SPTBN5: variants seen among roughly 807,000 people sequenced by gnomAD.
The protein encoded by SPTBN5 is spectrin beta, non-erythrocytic 5, also known as spectrin beta chain, non-erythrocytic 5.
A neutral mutation model predicts 477.6 loss-of-function variants in SPTBN5; 513 were observed. The ratio of observed to expected loss-of-function variants is 1.07; its 90% CI spans 1.00 to 1.16. The LOEUF is 1.16. Among genes scored for constraint, SPTBN5 ranks in the 50% most tolerant of loss-of-function variants. The probability of loss-of-function intolerance (pLI) is 0.00; values close to 1 mark genes in which losing one functional copy is unlikely to be tolerated. For missense variants in SPTBN5, 5,062 were observed against 4,731.8 expected (o/e 1.07, Z -2.05); for synonymous variants, 2,169 against 2,011.7 (o/e 1.08, Z -2.09).
intron 3 of SPTBN5, among the ~76,000 whole-genome samples, chr15:41,891,717 T>C (rs865779453): frequency 6.6e-6 from 1 of 152,184 alleles, no homozygotes; most frequent in Non-Finnish European, 1.5e-5. Flanking sequence ...CTTTGCTTAG[T>C]GGAGCCCAGC....
intron 27 of SPTBN5, 21 bp downstream of exon 27, chr15:41,872,281 G>C: frequency 1.9e-6 from 3 of 1,605,114 alleles, no homozygotes; most frequent in Non-Finnish European, 2.6e-6. Flanking sequence ...CCACTGATGA[G>C]AGGGGTTATG....
intron 2 of SPTBN5, 81 bp downstream of exon 2, chr15:41,893,201 C>T: frequency 6.3e-7 from 1 of 1,595,344 alleles, no homozygotes; most frequent in East Asian, 2.2e-5. Context: ...CAGATGACCC[C>T]ACAGCTCACC....
In SPTBN5 at chr15:41,869,848, C is replaced by T. The variant is rs199589032; in HGVS notation, c.5846G>A (p.Arg1949His). 330 of 1,557,300 alleles carry T rather than the reference C, an allele frequency of 2.1e-4. 4 individuals are homozygous for T. In the South Asian group the frequency reaches 2.7e-3, roughly 13 times the overall value. ...LERARLLARFRTAVRDYASWA... is the reference protein window; with the variant it reads ...LERARLLARFHTAVRDYASWA... ...AAGGGCAGGAGCCCTCACCGCCGTG[C>T]GGAAGCGGGCCAGGAGGCGTGCCCG... Residue 1949 changes from arginine (R) to histidine (H), a missense_variant, in exon 32 of 68, where the codon CGC becomes CAC. Coordinates refer to ENST00000320955, the MANE Select transcript of SPTBN5 (RefSeq NM_016642.4).
chr15:41,849,566 C>T (rs2065679823), intron 67 of SPTBN5, among the ~76,000 whole-genome samples: 1 of 152,172 alleles, frequency 6.6e-6, no homozygotes, highest in African/African-American at 2.4e-5. Flanking sequence ...GCTGCTCCTC[C>T]CACAAGCAGC....
At chr15:41,860,787 C>A (rs370101387) in intron 46 of SPTBN5, 29 bp from the exon 47 acceptor site, 28 of 1,478,446 alleles carry the variant, frequency 1.9e-5, no homozygotes, top group Non-Finnish European at 2.4e-5. Context: ...CCAATACTGT[C>A]CATGAGCCTC....
In SPTBN5 at chr15:41,857,418, G is replaced by T. The variant is rs773367566; in HGVS notation, c.8441C>A (p.Thr2814Asn). The stretch of plus-strand genomic sequence containing the variant: ...CACCCCAGGCAGGGCCTGGCCCACA[G>T]TGGGGGCTCTCAGCTCAACCTCGAT... The part of the protein sequence containing the change: ...EPIEVELRAP[T>N]VGQALPGVGE... The change falls in exon 51 of 68, where the codon ACT becomes AAT. Residue 2814 changes from threonine to asparagine, a missense_variant. Coordinates refer to ENST00000320955, the MANE Select transcript of SPTBN5 (RefSeq NM_016642.4). The T allele has an allele frequency of 6.2e-7, 1 of 1,601,112 alleles. No individual in the cohort carries two copies. Among genetic ancestry groups the T allele is most frequent in the African/African-American group, 1.3e-5 (1 of 74,760 alleles).
In SPTBN5 at chr15:41,852,292, G is replaced by C. The variant is rs1181382587; in HGVS notation, c.10474C>G (p.Pro3492Ala). ...TEMEQELLLQ[P>A]QELKPGRAGS... is the part of the protein sequence containing the mutation. ...GCTCTCCCGGGCTTCAGCTCCTGTG[G>C]CTGCAGCAGGAGCTCCTGTTCCATC... Residue 3492 changes from proline to alanine, a missense_variant, in exon 62 of 68, where the codon CCA becomes GCA. Pro to Ala is a conservative substitution (Grantham distance 27). Transcript: ENST00000320955. 1.3e-6 allele frequency: 2 copies of C among 1,596,186 alleles called. No homozygotes were observed. The highest frequency in any genetic ancestry group is 3.5e-5 in the Admixed American group (2 of 57,320).
rs142974035 is a variant in SPTBN5 at position 41,868,741 on chromosome 15, A to G, written c.5854-140T>C. 8.2e-4 allele frequency: 596 copies of G among 728,232 alleles called. 4 individuals carry two copies. In the African/African-American group the frequency reaches 9.5e-3, roughly 12 times the overall value. The allele number at this position is 728,232 out of a possible 1,614,324, so 45.1% of individuals were successfully genotyped here. On this transcript the variant is annotated intron_variant, in intron 32 of 67. Transcript: ENST00000320955. ...TGGGTCAGGGCCTCGGGTGAGGCAC[A>G]TGTGGCCCTTTGTCACTTGGTTTCT...
Position 41,893,481 on chromosome 15 carries a change from TG to T in SPTBN5, c.16del (p.His6ThrfsTer192). The T allele has an allele frequency of 6.3e-7, 1 of 1,589,640 alleles. No homozygotes were observed. Among genetic ancestry groups the T allele is most frequent in the South Asian group, 1.1e-5 (1 of 89,246 alleles). ...AGCCCCGAGGAGCTCCCGGGGACTG[TG>T]GGGCTGACCAGCCATCAGCCCTGCA... MAGQP[H>X]SPRELLGAAG... On this transcript the variant is annotated frameshift_variant, in exon 2 of 68. Coordinates refer to ENST00000320955, the MANE Select transcript of SPTBN5 (RefSeq NM_016642.4). LOFTEE classifies it high-confidence loss of function.
In SPTBN5 at chr15:41,851,371, TGTG is replaced by T; in HGVS notation, c.10657-5_10657-3del. 6.4e-7 allele frequency: 1 copy of T among 1,550,488 alleles called. No individual in the cohort carries two copies. Among genetic ancestry groups the T allele is most frequent in the Non-Finnish European group, 8.7e-7 (1 of 1,146,748 alleles). On this transcript the variant is annotated splice_polypyrimidine_tract_variant and splice_region_variant and intron_variant, in intron 63 of 67. Coordinates refer to ENST00000320955, the MANE Select transcript of SPTBN5 (RefSeq NM_016642.4). Reference sequence around the variant, plus strand: ...GCTGTCCCAGGAGCTCGAGCTAGGCTGTGGAGAGGAGGCGGGAAGGTCGCATGA... The same window carrying T: ...GCTGTCCCAGGAGCTCGAGCTAGGCTGAGAGGAGGCGGGAAGGTCGCATGA...
At chr15:41,887,189 C>T in intron 6 of SPTBN5, 24 bp downstream of exon 6, 1 of 1,547,168 alleles carries the variant, frequency 6.5e-7, no homozygotes, top group Non-Finnish European at 8.7e-7. Context: ...CCCTTGCTCA[C>T]CCCACCCCTC....
intron 24 of SPTBN5, 45 bp from the exon 25 acceptor site, chr15:41,874,090 C>T (rs777927071): frequency 1.2e-5 from 18 of 1,546,596 alleles, no homozygotes; most frequent in East Asian, 4.8e-5. Context: ...AACCCAGGGG[C>T]GTCCGGAGCA....
At chr15:41,867,981 GA>G in intron 34 of SPTBN5, 87 bp downstream of exon 34, 1 of 1,453,940 alleles carries the variant, frequency 6.9e-7, no homozygotes, top group East Asian at 2.4e-5. Context: ...AAAAGCCAGA[GA>G]GGCAGGAGGA....
intron 32 of SPTBN5, among the ~76,000 whole-genome samples, chr15:41,869,035 C>T (rs2066439267): frequency 1.3e-5 from 2 of 152,228 alleles, no homozygotes; most frequent in Non-Finnish European, 2.9e-5. Context: ...CACTGCTCTC[C>T]TTGTTCTCTG....
chr15:41,868,370 T>G (rs753255813), intron 33 of SPTBN5, 28 bp downstream of exon 33: 1 of 1,589,460 alleles, frequency 6.3e-7, no homozygotes, highest in South Asian at 1.1e-5. Flanking sequence ...AGCTAGGGTA[T>G]GTGGGGGCAC....
At position 41,876,623 on chromosome 15, in the gene SPTBN5, G is replaced by C. The variant is rs2066739016; in HGVS notation, c.3876C>G (p.Ile1292Met). 7.6e-7 allele frequency: 1 copy of C among 1,323,884 alleles called. No homozygotes were observed. Among genetic ancestry groups the C allele is most frequent in the Non-Finnish European group, 1.0e-6 (1 of 960,566 alleles). The allele number at this position is 1,323,884 out of a possible 1,614,324, so 82.0% of individuals were successfully genotyped here. A position where few individuals can be genotyped will look rare whatever the true frequency, so the allele number is the denominator to read the frequency against. Residue 1292 changes from isoleucine to methionine, a missense_variant, in exon 20 of 68, where the codon ATC becomes ATG. Coordinates refer to ENST00000320955, the MANE Select transcript of SPTBN5 (RefSeq NM_016642.4). Reference protein sequence around the residue: ...AHTVREQLQSIQAQWTRLQGR... With the variant: ...AHTVREQLQSMQAQWTRLQGR... Reference sequence around the variant, plus strand: ...CCTGGAGCCTGGTCCACTGTGCCTGGATACTCTGCAGCTGCTCTCTGACCC... The same window carrying C: ...CCTGGAGCCTGGTCCACTGTGCCTGCATACTCTGCAGCTGCTCTCTGACCC...
Position 41,849,853 on chromosome 15 carries a change from C to T in SPTBN5, c.11012+16G>A. Reference sequence around the variant, plus strand: ...CCAGGGCTCCCCGCCCTGCTTCCCCCACCCAGGTGTCCCACCTGAGTAGAC... The same window carrying T: ...CCAGGGCTCCCCGCCCTGCTTCCCCTACCCAGGTGTCCCACCTGAGTAGAC... On this transcript the variant is annotated intron_variant, in intron 67 of 67. Transcript: ENST00000320955. 7 of 1,552,538 alleles carry T rather than the reference C, an allele frequency of 4.5e-6. No homozygotes were observed. Among genetic ancestry groups the T allele is most frequent in the Non-Finnish European group, 6.1e-6 (7 of 1,145,370 alleles).
In SPTBN5 at chr15:41,856,884, C is replaced by T. The variant is rs1305954603; in HGVS notation, c.8777G>A (p.Ser2926Asn). ...AAAQDYGQSLSAVRHLQEQHQ... is the reference protein window; with the variant it reads ...AAAQDYGQSLNAVRHLQEQHQ... ...CTGCTCCTGCAGGTGCCGCACCGCACTCAGGCTCTGGCCATAGTCCTGGGC... is the reference window on the plus strand; with the variant it reads ...CTGCTCCTGCAGGTGCCGCACCGCATTCAGGCTCTGGCCATAGTCCTGGGC... Residue 2926 changes from serine to asparagine, a missense_variant, in exon 52 of 68, where the codon AGT becomes AAT. Physicochemically the swap from Ser to Asn is conservative, Grantham distance 46. Transcript: ENST00000320955. 6.4e-7 allele frequency: 1 copy of T among 1,550,970 alleles called. No homozygotes were observed. Among genetic ancestry groups the T allele is most frequent in the Non-Finnish European group, 8.7e-7 (1 of 1,147,172 alleles).
In SPTBN5 at chr15:41,879,393, G is replaced by C. The variant is rs200975789; in HGVS notation, c.3049C>G (p.Arg1017Gly). The change falls in exon 16 of 68, where the codon CGA becomes GGA. Residue 1017 changes from arginine (R) to glycine (G), a missense_variant. By Grantham distance (125) the Arg-to-Gly change is moderately radical (BLOSUM62 -2). Coordinates refer to ENST00000320955, the MANE Select transcript of SPTBN5 (RefSeq NM_016642.4). Reference sequence around the variant, plus strand: ...GCCTCCAGCTGGAGGAGCACGTCTCGCAGCTGGACCTGTGTGGGTCCACAC... The same window carrying C: ...GCCTCCAGCTGGAGGAGCACGTCTCCCAGCTGGACCTGTGTGGGTCCACAC... ...QECGPTQVQL[R>G]DVLLQLEALQ... 1 of 1,610,608 alleles carries C rather than the reference G, an allele frequency of 6.2e-7. No homozygotes were observed. The highest frequency in any genetic ancestry group is 8.5e-7 in the Non-Finnish European group (1 of 1,179,830).
Sources: gnomAD v4.1 joint callset for allele counts (sites outside exome capture counted in the v4.1 genomes callset) on GRCh38, gnomAD v4.1.1 for gene constraint, MANE v1.5 for transcripts, NCBI Gene and HGNC (gene_info 2026-07-23, HGNC 2026-07-21) for gene names.